PELI2: variants seen among roughly 807,000 people sequenced by gnomAD.
PELI2 encodes the protein E3 ubiquitin-protein ligase pellino homolog 2.
PELI2 carries 23 observed loss-of-function variants against 42.3 expected under a neutral mutation model. The observed-to-expected ratio is 0.54, with a 90% CI of 0.39 to 0.77. The LOEUF (loss-of-function observed/expected upper bound fraction) is 0.77. Among genes scored for constraint, PELI2 ranks in the 30% least tolerant of loss-of-function variants. The pLI is 0.00. For synonymous variants in PELI2, 245 were observed against 212.2 expected (o/e 1.15, Z -1.34); for missense variants, 463 against 553.2 (o/e 0.84, Z 1.64).
At chr14:56,279,119 A>G (rs1197452865) in intron 2 of PELI2, among the ~76,000 whole-genome samples, 1 of 152,194 alleles carries the variant, frequency 6.6e-6, no homozygotes. Context: ...TGACTTAACT[A>G]GTTGCTTATA....
chr14:56,202,576 A>G (rs1231940922), intron 2 of PELI2, among the ~76,000 whole-genome samples: 2 of 152,082 alleles, frequency 1.3e-5, no homozygotes, highest in Non-Finnish European at 2.9e-5. Flanking sequence ...GGCTTTCCCA[A>G]GTGTCTGATG....
chr14:56,224,883 C>T (rs1566648400), intron 2 of PELI2, among the ~76,000 whole-genome samples: 1 of 152,148 alleles, frequency 6.6e-6, no homozygotes, highest in South Asian at 2.1e-4. Context: ...CCTCAGCTCC[C>T]TTCTCTGGGT....
chr14:56,118,629 C>CGGA lies in PELI2; in HGVS notation c.-30_-29insAGG. ...GGGATCGCGGCGGAGGCGGCGGCGT[C>CGGA]GGCGGCGGCGTCGGCGGCCGAGCGG... On this transcript the variant is annotated 5_prime_UTR_variant, in exon 1 of 6. Transcript: ENST00000267460. The CGGA allele has an allele frequency of 1.5e-6, 2 of 1,308,166 alleles. No homozygotes were observed. The highest frequency in any genetic ancestry group is 3.6e-5 in the South Asian group (2 of 55,836). 81.0% of individuals were successfully genotyped at this position (1,308,166 alleles called of 1,614,324 possible). A position where few individuals can be genotyped will look rare whatever the true frequency, so the allele number is the denominator to read the frequency against.
chr14:56,118,612 G>A lies in PELI2; in HGVS notation c.-49G>A. 8.3e-7 allele frequency: 1 copy of A among 1,202,304 alleles called. No individual in the cohort carries two copies. The highest frequency in any genetic ancestry group is 1.1e-6 in the Non-Finnish European group (1 of 919,350). 74.5% of individuals were successfully genotyped at this position (1,202,304 alleles called of 1,614,324 possible). A position where few individuals can be genotyped will look rare whatever the true frequency, so the allele number is the denominator to read the frequency against. On this transcript the variant is annotated 5_prime_UTR_variant, in exon 1 of 6. Coordinates refer to ENST00000267460, the MANE Select transcript of PELI2 (RefSeq NM_021255.3). ...GCGGCGCGGACTCGGCGGGGATCGC[G>A]GCGGAGGCGGCGGCGTCGGCGGCGG...
intron 2 of PELI2, among the ~76,000 whole-genome samples, chr14:56,200,307 A>AT (rs1014214885): frequency 3.3e-5 from 5 of 152,014 alleles, no homozygotes; most frequent in South Asian, 2.1e-4. Flanking sequence ...CACTTTGCAT[A>AT]TTTTTTTTTA....
At chr14:56,120,213 T>A (rs1883011177) in intron 1 of PELI2, among the ~76,000 whole-genome samples, 1 of 152,258 alleles carries the variant, frequency 6.6e-6, no homozygotes, top group Admixed American at 6.5e-5. Flanking sequence ...CAGTTTAGTC[T>A]GTCTTATGTA....
At chr14:56,165,581 G>A (rs757164484) in intron 1 of PELI2, among the ~76,000 whole-genome samples, 13 of 152,200 alleles carry the variant, frequency 8.5e-5, no homozygotes, top group East Asian at 1.9e-4. Context: ...GAAATATTTC[G>A]TAAATACCTA....
chr14:56,197,979 C>T lies in PELI2; in HGVS notation c.207+19515C>T, dbSNP rs1886192273. ...ATCATGACTGGTGAAGACACACACA[C>T]ACACACACACACACACACACACACA... is the stretch of plus-strand genomic sequence containing the variant. On this transcript the variant is annotated intron_variant, in intron 2 of 5. Coordinates refer to ENST00000267460, the MANE Select transcript of PELI2 (RefSeq NM_021255.3). The surrounding 1 kb of genome is among the most constrained non-coding windows in gnomAD (Gnocchi z 4.9). Among the ~76,000 whole-genome samples, 1 of 116,992 alleles carries T rather than the reference C, an allele frequency of 8.5e-6. No homozygotes were observed. Among genetic ancestry groups the T allele is most frequent in the Non-Finnish European group, 1.9e-5 (1 of 53,308 alleles). The allele number at this position is 116,992 out of a possible 152,430, so 76.8% of individuals were successfully genotyped here.
chr14:56,244,513 G>A (rs1193552446), intron 2 of PELI2, among the ~76,000 whole-genome samples: 1 of 152,042 alleles, frequency 6.6e-6, no homozygotes, highest in African/African-American at 2.4e-5. Context: ...TGTTTATTTG[G>A]AAGGCACTGA....
At chr14:56,244,925 T>A (rs75441847) in intron 2 of PELI2, among the ~76,000 whole-genome samples, 2,598 of 152,312 alleles carry the variant, frequency 0.017, 70 homozygotes, top group African/African-American at 0.06. Flanking sequence ...TAGAATTTTT[T>A]AAAACTGGAT....
intron 1 of PELI2, among the ~76,000 whole-genome samples, chr14:56,141,649 GGAGA>G (rs1011741340): frequency 3.9e-5 from 6 of 152,218 alleles, no homozygotes; most frequent in African/African-American, 1.4e-4. Context: ...CAGGTCAGCG[GGAGA>G]GAGAGTGAGG....
chr14:56,293,842 C>G (rs1889913926), intron 5 of PELI2, among the ~76,000 whole-genome samples: 2 of 152,236 alleles, frequency 1.3e-5, no homozygotes, highest in Admixed American at 1.3e-4. Context: ...TTACCAAGAA[C>G]TGCCCTGCAG....
At chr14:56,258,019 A>G (rs1164550176) in intron 2 of PELI2, among the ~76,000 whole-genome samples, 1 of 152,210 alleles carries the variant, frequency 6.6e-6, no homozygotes, top group African/African-American at 2.4e-5. Flanking sequence ...ACTACTGGAA[A>G]GCAATAGGCT....
At chr14:56,228,464 T>A (rs1343106854) in intron 2 of PELI2, among the ~76,000 whole-genome samples, 2 of 152,262 alleles carry the variant, frequency 1.3e-5, no homozygotes, top group Admixed American at 6.5e-5. Context: ...TATCTTTTAT[T>A]TATTTTTATT....
At chr14:56,126,543 G>C (rs918143613) in intron 1 of PELI2, among the ~76,000 whole-genome samples, 2 of 152,164 alleles carry the variant, frequency 1.3e-5, no homozygotes, top group Non-Finnish European at 2.9e-5. Context: ...TAACCAGAGC[G>C]AGCAGTTGTG....
chr14:56,176,891 A>G (rs1403167670), intron 1 of PELI2, among the ~76,000 whole-genome samples: 1 of 152,168 alleles, frequency 6.6e-6, no homozygotes, highest in Non-Finnish European at 1.5e-5. Flanking sequence ...TGCTTCCTTT[A>G]ATATAGAGTG....
intron 1 of PELI2, among the ~76,000 whole-genome samples, chr14:56,120,696 A>G (rs1352119813): frequency 6.6e-6 from 1 of 152,216 alleles, no homozygotes; most frequent in East Asian, 1.9e-4. Context: ...AGTGACAGGC[A>G]TAAACAGAAA....
chr14:56,144,913 C>T, intron 1 of PELI2: 1 of 903,872 alleles, frequency 1.1e-6, no homozygotes, highest in Non-Finnish European at 1.3e-6. Flanking sequence ...TTCTTTATTA[C>T]TGACTTTACT....
chr14:56,131,120 A>G lies in PELI2; in HGVS notation c.77+12383A>G, dbSNP rs375532553. Among the ~76,000 whole-genome samples the G allele has an allele frequency of 3.3e-5, 5 of 152,314 alleles. No individual in the cohort carries two copies. The South Asian group carries it at 1.0e-3, about 32-fold the overall frequency. ...TCCATATAGCTCCTATCTCCTCACT[A>G]ACAGTACTTGGTATAACTTGTTCCA... On this transcript the variant is annotated intron_variant, in intron 1 of 5. Transcript: ENST00000267460.
Sources: gnomAD v4.1 joint callset for allele counts (sites outside exome capture counted in the v4.1 genomes callset) on GRCh38, gnomAD v4.1.1 for gene constraint, Gnocchi (gnomAD v3.1) non-coding constraint, MANE v1.5 for transcripts, NCBI Gene and HGNC (gene_info 2026-07-23, HGNC 2026-07-21) for gene names.